OPCML: variants seen among roughly 807,000 people sequenced by gnomAD.
The protein encoded by OPCML is opioid-binding protein/cell adhesion molecule.
OPCML carries 13 observed loss-of-function variants against 37.8 expected under a neutral mutation model. That is an observed-to-expected ratio of 0.34 (90% CI 0.22 to 0.55). The LOEUF (loss-of-function observed/expected upper bound fraction) is 0.55, where lower values mean the gene tolerates loss of function less well. Among genes scored for constraint, OPCML ranks in the 20% least tolerant of loss-of-function variants. The pLI, the probability that OPCML is intolerant of heterozygous loss-of-function variation, is 0.91. For missense variants in OPCML, 341 were observed against 435.6 expected (o/e 0.78, Z 1.93); for synonymous variants, 176 against 168.8 (o/e 1.04, Z -0.33).
intron 2 of OPCML, among the ~76,000 whole-genome samples, chr11:132,765,858 C>T (rs904397679): frequency 1.1e-4 from 17 of 152,112 alleles, no homozygotes; most frequent in African/African-American, 4.1e-4. Context: ...ACTAGGTTTT[C>T]TTGGAGACAG....
chr11:133,200,957 G>C (rs936094359), intron 1 of OPCML, among the ~76,000 whole-genome samples: 1 of 152,126 alleles, frequency 6.6e-6, no homozygotes, highest in Non-Finnish European at 1.5e-5. Flanking sequence ...GCCATAAAAA[G>C]GATGAAATTA....
chr11:132,688,886 C>T (rs1479878777), intron 2 of OPCML, among the ~76,000 whole-genome samples: 1 of 32,320 alleles, frequency 3.1e-5, no homozygotes, highest in East Asian at 9.2e-4. Flanking sequence ...GGAAGCGGAG[C>T]TTGCAGTGAG....
At chr11:132,841,860 C>CAAAAAAAAAAAAAAAAAA (rs71067402) in intron 2 of OPCML, among the ~76,000 whole-genome samples, 3 of 34,684 alleles carry the variant, frequency 8.6e-5, no homozygotes, top group Non-Finnish European at 1.4e-4. Context: ...CACTCTATCT[C>CAAAAAAAAAAAAAAAAAA]AAAAAAAAAA....
chr11:133,216,921 A>G (rs1336068492), intron 1 of OPCML, among the ~76,000 whole-genome samples: 1 of 152,194 alleles, frequency 6.6e-6, no homozygotes, highest in Non-Finnish European at 1.5e-5. Flanking sequence ...GTATTTATAG[A>G]TATATATTTT....
At chr11:133,423,231 A>C (rs991756319) in intron 1 of OPCML, 1 of 985,256 alleles carries the variant, frequency 1.0e-6, no homozygotes, top group Non-Finnish European at 1.2e-6. Flanking sequence ...TAATTGCCTC[A>C]TTCTAGAGTT....
chr11:133,120,731 T>A (rs2137114468), intron 1 of OPCML, among the ~76,000 whole-genome samples: 1 of 152,334 alleles, frequency 6.6e-6, no homozygotes, highest in South Asian at 2.1e-4. Flanking sequence ...CACTCAGTAA[T>A]TCTGATGTGT....
intron 3 of OPCML, among the ~76,000 whole-genome samples, chr11:132,605,256 G>C (rs1282660334): frequency 2.6e-5 from 4 of 152,058 alleles, no homozygotes; most frequent in Non-Finnish European, 4.4e-5. Context: ...TTGTTTCCAT[G>C]GTTTTAAGAA....
intron 1 of OPCML, among the ~76,000 whole-genome samples, chr11:133,018,564 G>A (rs1947382357): frequency 6.6e-6 from 1 of 152,100 alleles, no homozygotes; most frequent in South Asian, 2.1e-4. Flanking sequence ...GAAGCCAGAT[G>A]GCCAATGAGA....
rs796756378 is a variant in OPCML at position 133,140,793 on chromosome 11, A to T, written c.62-197783T>A. Reference sequence around the variant, plus strand: ...AAGAAGAAGAAGAAGACGACGAAGAAGAAGAAGAAGAAGACGACGACGAAG... The same window carrying T: ...AAGAAGAAGAAGAAGACGACGAAGATGAAGAAGAAGAAGACGACGACGAAG... On this transcript the variant is annotated intron_variant, in intron 1 of 7. Transcript: ENST00000524381. 7.8e-3 allele frequency among the ~76,000 whole-genome samples: 745 copies of T among 96,036 alleles called. 32 individuals carry two copies. The highest frequency in any genetic ancestry group is 0.025 in the African/African-American group (684 of 27,486). 63.0% of individuals were successfully genotyped at this position (96,036 alleles called of 152,430 possible).
chr11:132,748,701 A>G (rs947336426), intron 2 of OPCML, among the ~76,000 whole-genome samples: 1 of 152,140 alleles, frequency 6.6e-6, no homozygotes, highest in Non-Finnish European at 1.5e-5. Flanking sequence ...ACGGAAAGGC[A>G]TTGGAGGATG....
rs1462068106 is a variant in OPCML, at chr11:132,417,973, A to T, written c.*2220T>A. On this transcript the variant is annotated 3_prime_UTR_variant, in exon 8 of 8. Coordinates refer to ENST00000524381, the MANE Select transcript of OPCML (RefSeq NM_001012393.5). ...TTTACAGCTGGAAAATGTAACATTA[A>T]TTTCACTCACACCAGCTCTACCTCT... 1.3e-5 allele frequency: 2 copies of T among 152,142 alleles called. No homozygotes were observed. Among genetic ancestry groups the T allele is most frequent in the Non-Finnish European group, 2.9e-5 (2 of 68,020 alleles). The allele number at this position is 152,142 out of a possible 1,614,324, so 9.4% of individuals were successfully genotyped here. A position where few individuals can be genotyped will look rare whatever the true frequency, so the allele number is the denominator to read the frequency against.
At chr11:133,079,308 A>C (rs913116514) in intron 1 of OPCML, among the ~76,000 whole-genome samples, 1 of 152,122 alleles carries the variant, frequency 6.6e-6, no homozygotes, top group Admixed American at 6.5e-5. Flanking sequence ...CATCTGAATA[A>C]TCTCCCCTTT....
chr11:132,513,348 T>C (rs1445336173), intron 4 of OPCML, among the ~76,000 whole-genome samples: 2 of 152,160 alleles, frequency 1.3e-5, no homozygotes, highest in East Asian at 3.8e-4. Flanking sequence ...TTCAACTATT[T>C]TACTACCTGT....
At chr11:133,384,747 T>C (rs1945008257) in intron 1 of OPCML, among the ~76,000 whole-genome samples, 1 of 152,180 alleles carries the variant, frequency 6.6e-6, no homozygotes. Flanking sequence ...GGAGGGGACT[T>C]CTCAGTCCAC....
Position 132,786,630 on chromosome 11 carries a change from G to A in OPCML, c.147-129311C>T, listed in dbSNP as rs185302383. The stretch of plus-strand genomic sequence containing the variant: ...CTATGCAAAAGACACATTAGGGAAC[G>A]GACAATTATTACAACATAGATTTAG... On this transcript the variant is annotated intron_variant, in intron 2 of 7. Transcript: ENST00000524381. Among the ~76,000 whole-genome samples the A allele has an allele frequency of 5.0e-4, 76 of 152,134 alleles. 1 individual carries two copies. Among genetic ancestry groups the A allele is most frequent in the African/African-American group, 1.6e-3 (66 of 41,520 alleles).
chr11:132,662,645 T>C (rs1189708405), intron 2 of OPCML, among the ~76,000 whole-genome samples: 1 of 152,250 alleles, frequency 6.6e-6, no homozygotes, highest in African/African-American at 2.4e-5. Flanking sequence ...GAGTGTATCA[T>C]GGGAACTGTG....
At chr11:132,555,499 C>T (rs2096393332) in intron 3 of OPCML, among the ~76,000 whole-genome samples, 2 of 152,074 alleles carry the variant, frequency 1.3e-5, no homozygotes, top group South Asian at 4.2e-4. Context: ...AGGTCCCTCC[C>T]ACAACACATG....
At chr11:133,460,882 C>T (rs1026587248) in intron 1 of OPCML, among the ~76,000 whole-genome samples, 1 of 151,646 alleles carries the variant, frequency 6.6e-6, no homozygotes, top group Non-Finnish European at 1.5e-5. Context: ...TACACTGTGA[C>T]AAAATGAGAT....
intron 3 of OPCML, among the ~76,000 whole-genome samples, chr11:132,569,995 G>A (rs1420267185): frequency 1.3e-5 from 2 of 149,768 alleles, no homozygotes. Flanking sequence ...TGAAAGAAAT[G>A]GGATTTCAGT....
Sources: allele counts gnomAD v4.1 joint callset (sites outside exome capture counted in the v4.1 genomes callset), GRCh38; gene constraint gnomAD v4.1.1; transcripts MANE v1.5; gene names NCBI Gene and HGNC (gene_info 2026-07-23, HGNC 2026-07-21).